IGSF22: variants seen among roughly 807,000 people sequenced by gnomAD.
IGSF22 encodes the protein immunoglobulin superfamily member 22, also known as immunoglobulin superfamily, member 22.
A neutral mutation model predicts 127.0 loss-of-function variants in IGSF22; 119 were observed. That is an observed-to-expected ratio of 0.94 (90% confidence interval 0.81 to 1.09). The LOEUF (loss-of-function observed/expected upper bound fraction) is 1.09, where lower values mean the gene tolerates loss of function less well. Ranked by LOEUF, IGSF22 falls within the 50% of genes least tolerant of loss-of-function variation. IGSF22 has a pLI of 0.00. For synonymous variants in IGSF22, 568 were observed against 664.7 expected, an observed-to-expected ratio of 0.85 and a Z score of 2.24; for missense variants, 1,518 against 1,716.6, an observed-to-expected ratio of 0.88 and a Z score of 2.04.
At chr11:18,719,970 T>C in intron 6 of IGSF22, 77 bp from the exon 7 acceptor site, 1 of 1,610,226 alleles carries the variant, frequency 6.2e-7, no homozygotes, top group South Asian at 1.1e-5. Context: ...ACTCCATGGA[T>C]TCTTGGAACT....
rs754734596 is a variant in IGSF22, at chr11:18,708,319, G to A, written c.2999-24C>T. ...AGCTGAGATGGAGGAGACAGAGGTG[G>A]AGGCATGGATCTGTCTTTCAAGAAG... On this transcript the variant is annotated intron_variant, in intron 18 of 22. Transcript: ENST00000513874. The A allele has an allele frequency of 3.5e-5, 53 of 1,510,678 alleles. No homozygotes were observed. In the East Asian group the frequency reaches 1.2e-3, roughly 35 times the overall value. The allele number at this position is 1,510,678 out of a possible 1,614,324, so 93.6% of individuals were successfully genotyped here.
chr11:18,709,616 C>T lies in IGSF22; in HGVS notation c.2769G>A (p.Trp923Ter). The T allele has an allele frequency of 3.1e-6, 5 of 1,614,190 alleles. No homozygotes were observed. The highest frequency in any genetic ancestry group is 3.4e-6 in the Non-Finnish European group (4 of 1,180,036). Residue 923 changes from tryptophan (W) to a stop codon, truncating the protein, a stop_gained, in exon 18 of 23, where the codon TGG (tryptophan) becomes TGA (stop). Coordinates refer to ENST00000513874, the MANE Select transcript of IGSF22 (RefSeq NM_173588.4). LOFTEE classifies it high-confidence loss of function. The surrounding 1 kb of genome is among the most constrained non-coding windows in gnomAD (Gnocchi z 4.8). ...GTGGGTCTCCCTCTGCAGGCTCCCGCCAGGCCAGGGAAATGCTGGAGTTGG... is the reference window on the plus strand; with the variant it reads ...GTGGGTCTCCCTCTGCAGGCTCCCGTCAGGCCAGGGAAATGCTGGAGTTGG... ...DSSNSSISLA[W>*]REPAEGDPPS...
At chr11:18,707,339 G>T in intron 20 of IGSF22, 126 bp from the exon 21 acceptor site, 1 of 854,910 alleles carries the variant, frequency 1.2e-6, no homozygotes, top group Non-Finnish European at 1.7e-6. Context: ...GTGTCTTGGA[G>T]TCGGAAAACT....
In IGSF22 at chr11:18,705,810, C is replaced by T; in HGVS notation, c.3910+7G>A. ...CTCCTCGAGGCCGGACCCCGCGGCG[C>T]CCTCACCATAGACGGTGAGCGTGCA... On this transcript the variant is annotated splice_region_variant and intron_variant, in intron 22 of 22. Transcript: ENST00000513874. 1 of 1,531,528 alleles carries T rather than the reference C, an allele frequency of 6.5e-7. No homozygotes were observed. The highest frequency in any genetic ancestry group is 2.5e-5 in the East Asian group (1 of 40,548). The allele number at this position is 1,531,528 out of a possible 1,614,324, so 94.9% of individuals were successfully genotyped here.
At chr11:18,711,035 C>T (rs1249691372) in intron 15 of IGSF22, among the ~76,000 whole-genome samples, 8 of 152,142 alleles carry the variant, frequency 5.3e-5, no homozygotes, top group South Asian at 4.1e-4. Context: ...CTTGGCCTTC[C>T]GAAGTGCTGA....
intron 2 of IGSF22, among the ~76,000 whole-genome samples, chr11:18,722,306 A>ATT (rs11403570): frequency 5.7e-4 from 85 of 149,518 alleles, no homozygotes; most frequent in South Asian, 4.2e-3. Flanking sequence ...CTGAGTCCTA[A>ATT]TTTTTTTTTT....
In IGSF22 at chr11:18,707,045, A is replaced by T; in HGVS notation, c.3449T>A (p.Phe1150Tyr). 1 of 1,543,802 alleles carries T rather than the reference A, an allele frequency of 6.5e-7. No homozygotes were observed. The highest frequency in any genetic ancestry group is 1.2e-5 in the South Asian group (1 of 83,770). ...CCCCGTCACTGTGTACTTGTTGCTG[A>T]AGACACGCTCGGCTGCCGTGTACCA... is the stretch of plus-strand genomic sequence containing the variant. ...ATWYTAAERV[F>Y]SNKYTVTGLL... The change falls in exon 21 of 23, where the codon TTC becomes TAC. Residue 1150 changes from phenylalanine to tyrosine, a missense_variant. Physicochemically the swap from Phe to Tyr is conservative, Grantham distance 22. This residue lies in a region of IGSF22 where 1,456 missense variants were observed against 1,644.9 expected (regional missense o/e 0.89). Coordinates refer to ENST00000513874, the MANE Select transcript of IGSF22 (RefSeq NM_173588.4).
At chr11:18,710,571 A>G in intron 16 of IGSF22, 84 bp downstream of exon 16, 1 of 1,583,528 alleles carries the variant, frequency 6.3e-7, no homozygotes, top group Non-Finnish European at 8.6e-7. Flanking sequence ...GAAGAGTTGG[A>G]TGAGGGACTG....
chr11:18,720,996 T>C (rs1052599683), intron 4 of IGSF22, among the ~76,000 whole-genome samples: 3 of 152,148 alleles, frequency 2.0e-5, no homozygotes, highest in African/African-American at 7.2e-5. Flanking sequence ...TCCCTCCCTT[T>C]CCTCGAAGGG....
At position 18,713,973 on chromosome 11, in the gene IGSF22, G is replaced by C. The variant is rs369745010; in HGVS notation, c.1974C>G (p.Arg658=). 6.2e-7 allele frequency: 1 copy of C among 1,614,258 alleles called. No homozygotes were observed. Among genetic ancestry groups the C allele is most frequent in the Admixed American group, 1.7e-5 (1 of 60,032 alleles). The change falls in exon 14 of 23, where the codon CGC becomes CGG. Residue 658 remains arginine (R), a synonymous_variant. Coordinates refer to ENST00000513874, the MANE Select transcript of IGSF22 (RefSeq NM_173588.4). ...TGGTGAGCAGTGCCTGGTCTTCCCC[G>C]CGCTCCATGGACACGCGTTCCTCCT... ...VTEEERVSME[R]GEDQALLTIS...
chr11:18,707,237 A>T, intron 20 of IGSF22, 24 bp from the exon 21 acceptor site: 1 of 1,501,120 alleles, frequency 6.7e-7, no homozygotes, highest in Non-Finnish European at 8.9e-7. Flanking sequence ...AAGATCTGTC[A>T]GCGACCTTGG....
chr11:18,713,792 C>T, intron 14 of IGSF22, 60 bp downstream of exon 14: 1 of 1,364,640 alleles, frequency 7.3e-7, no homozygotes, highest in Non-Finnish European at 1.0e-6. Context: ...TGCCTTCTGC[C>T]CTGAGTCTGG....
In IGSF22 at chr11:18,721,609, T is replaced by A. The variant is rs2134169149; in HGVS notation, c.304A>T (p.Arg102Trp). ...TCCTTGATGGGGATGCCGCTCTCCC[T>A]CTTCCAGGAGATGTGGGGTTTGGCG... ...GNAKPHISWKRESGIPIKESA... is the reference protein window; with the variant it reads ...GNAKPHISWKWESGIPIKESA... The change falls in exon 4 of 23, where the codon AGG becomes TGG. Residue 102 changes from arginine (R) to tryptophan (W), a missense_variant. Physicochemically the swap from Arg to Trp is moderately radical, Grantham distance 101. Coordinates refer to ENST00000513874, the MANE Select transcript of IGSF22 (RefSeq NM_173588.4). 6.2e-7 allele frequency: 1 copy of A among 1,614,242 alleles called. No homozygotes were observed. Among genetic ancestry groups the A allele is most frequent in the East Asian group, 2.2e-5 (1 of 44,880 alleles).
rs375379479 is a variant in IGSF22 at position 18,710,479 on chromosome 11, G to A, written c.2573-24C>T. 336 of 1,613,228 alleles carry A rather than the reference G, an allele frequency of 2.1e-4. 1 individual carries two copies. Among genetic ancestry groups the A allele is most frequent in the East Asian group, 7.1e-4 (32 of 44,876 alleles). ...GCCTGAAATGGGAAGATGAGGGGTC[G>A]TGAGGCCAGAGGCATCCATGGGGTG... On this transcript the variant is annotated intron_variant, in intron 16 of 22. Transcript: ENST00000513874.
intron 17 of IGSF22, 28 bp downstream of exon 17, chr11:18,710,299 T>C (rs1848327613): frequency 6.2e-7 from 1 of 1,608,958 alleles, no homozygotes; most frequent in South Asian, 1.1e-5. Context: ...TTCCATTATG[T>C]GTCAGGACCT....
chr11:18,710,533 A>G, intron 16 of IGSF22, 78 bp from the exon 17 acceptor site: 1 of 1,592,782 alleles, frequency 6.3e-7, no homozygotes, highest in South Asian at 1.1e-5. Context: ...ATAGAAGAGG[A>G]GGTCATGGGA....
intron 1 of IGSF22, among the ~76,000 whole-genome samples, chr11:18,724,975 G>T: frequency 6.6e-6 from 1 of 151,360 alleles, no homozygotes; most frequent in Middle Eastern, 3.2e-3. Flanking sequence ...CATGCAAATA[G>T]GAAAACTCAT....
Position 18,715,584 on chromosome 11 carries a change from T to C in IGSF22, c.1379A>G (p.His460Arg), listed in dbSNP as rs750843089. The change falls in exon 11 of 23, where the codon CAT becomes CGT. Residue 460 changes from histidine (H) to arginine (R), a missense_variant. Transcript: ENST00000513874. ...ATGGTTCATGCTGTACTTAGTGCCA[T>C]GCATCAGCAGCTGCCCATCCTTCTT... ...RWKKDGQLLM[H>R]GTKYSMNHEG... The C allele has an allele frequency of 6.8e-6, 11 of 1,613,990 alleles. No homozygotes were observed. Among genetic ancestry groups the C allele is most frequent in the Non-Finnish European group, 8.5e-6 (10 of 1,180,026 alleles).
chr11:18,704,829 A>G (rs533411437), intron 22 of IGSF22: 6 of 364,360 alleles, frequency 1.6e-5, no homozygotes, highest in East Asian at 5.8e-5. Flanking sequence ...GGTCAGTGGC[A>G]GAGCCAGGGC....
Sources: gnomAD v4.1 joint callset for allele counts (sites outside exome capture counted in the v4.1 genomes callset) on GRCh38, gnomAD v4.1.1 for gene constraint, gnomAD v4.1.1 regional missense constraint, Gnocchi (gnomAD v3.1) non-coding constraint, MANE v1.5 for transcripts, NCBI Gene and HGNC (gene_info 2026-07-23, HGNC 2026-07-21) for gene names.